The following ADAMTS17 variants were observed in gnomAD, a reference collection of about 807,000 sequenced individuals.
ADAMTS17 encodes the protein ADAM metallopeptidase with thrombospondin type 1 motif 17, also known as A disintegrin and metalloproteinase with thrombospondin motifs 17.
ADAMTS17 carries 113 observed loss-of-function variants against 141.5 expected under a neutral mutation model. That is an observed-to-expected ratio of 0.80 (90% CI 0.69 to 0.93). The LOEUF (loss-of-function observed/expected upper bound fraction) is 0.93. Among genes scored for constraint, ADAMTS17 ranks in the 40% least tolerant of loss-of-function variants. The pLI, the probability that ADAMTS17 is intolerant of heterozygous loss-of-function variation, is 0.00. For missense variants in ADAMTS17, 1,659 were observed against 1,517.9 expected (o/e 1.09, Z -1.54); for synonymous variants, 768 against 630.6 (o/e 1.22, Z -3.27).
intron 7 of ADAMTS17, among the ~76,000 whole-genome samples, chr15:100,209,722 G>A (rs1293869158): frequency 6.6e-6 from 1 of 152,166 alleles, no homozygotes; most frequent in East Asian, 1.9e-4. Flanking sequence ...GGCAGACAAG[G>A]AAGATGGCCA....
intron 15 of ADAMTS17, among the ~76,000 whole-genome samples, chr15:100,089,515 A>G (rs1401971407): frequency 2.0e-5 from 3 of 151,390 alleles, no homozygotes; most frequent in East Asian, 1.9e-4. Flanking sequence ...TCATGCTGCT[A>G]TAAAGACACA....
chr15:100,107,622 G>A (rs955543784), intron 14 of ADAMTS17, among the ~76,000 whole-genome samples: 1 of 152,104 alleles, frequency 6.6e-6, no homozygotes, highest in South Asian at 2.1e-4. Context: ...TGGGTCATGA[G>A]GGCAGAACTC....
Position 100,201,243 on chromosome 15 carries a change from T to C in ADAMTS17, c.1076-1820A>G, listed in dbSNP as rs1464285811. ...GACCGGGTGGGAAGTGATTGGATCA[T>C]GGGAACAGTTTCCCCCACGCCGTTC... On this transcript the variant is annotated intron_variant, in intron 7 of 21. Coordinates refer to ENST00000268070, the MANE Select transcript of ADAMTS17 (RefSeq NM_139057.4). 3.3e-5 allele frequency among the ~76,000 whole-genome samples: 5 copies of C among 152,168 alleles called. No homozygotes were observed. In the East Asian group the frequency reaches 7.7e-4, roughly 23 times the overall value.
At chr15:100,024,709 A>G (rs183197825) in intron 18 of ADAMTS17, among the ~76,000 whole-genome samples, 72 of 152,220 alleles carry the variant, frequency 4.7e-4, no homozygotes, top group Middle Eastern at 3.4e-3. Flanking sequence ...AAGTCCTCCT[A>G]TGTATCCCTT....
intron 9 of ADAMTS17, among the ~76,000 whole-genome samples, chr15:100,154,544 G>C (rs1232128836): frequency 6.6e-6 from 1 of 152,116 alleles, no homozygotes; most frequent in African/African-American, 2.4e-5. Context: ...AGTGACCAGG[G>C]CCTGCACAGT....
chr15:100,232,450 G>A (rs1232982211), intron 7 of ADAMTS17, among the ~76,000 whole-genome samples: 3 of 152,254 alleles, frequency 2.0e-5, no homozygotes, highest in Non-Finnish European at 4.4e-5. Flanking sequence ...TGAACACTTG[G>A]TGTTCCCAGA....
At chr15:100,329,541 A>G (rs1471424227) in intron 3 of ADAMTS17, among the ~76,000 whole-genome samples, 2 of 149,174 alleles carry the variant, frequency 1.3e-5, no homozygotes, top group Non-Finnish European at 3.0e-5. Context: ...AAAAAAAAAA[A>G]GCCATACTGA....
At chr15:100,050,298 G>C (rs542297926) in intron 17 of ADAMTS17, among the ~76,000 whole-genome samples, 1 of 152,212 alleles carries the variant, frequency 6.6e-6, no homozygotes, top group Admixed American at 6.5e-5. Context: ...TTCCATGTGG[G>C]CTATGCTTAG....
intron 4 of ADAMTS17, among the ~76,000 whole-genome samples, chr15:100,272,286 C>T (rs1417320273): frequency 6.6e-6 from 1 of 152,112 alleles, no homozygotes; most frequent in Non-Finnish European, 1.5e-5. Flanking sequence ...CTGTAAACTG[C>T]TTTGGATAAC....
intron 3 of ADAMTS17, among the ~76,000 whole-genome samples, chr15:100,304,407 A>C (rs930303083): frequency 6.6e-6 from 1 of 152,246 alleles, no homozygotes; most frequent in African/African-American, 2.4e-5. Context: ...TTGCCAGAAT[A>C]AATCTGTGAG....
chr15:100,123,964 C>A (rs536886138), intron 12 of ADAMTS17, among the ~76,000 whole-genome samples: 1 of 148,020 alleles, frequency 6.8e-6, no homozygotes, highest in South Asian at 2.1e-4. Context: ...TTTTTCTGTT[C>A]TAGGACTTTT....
At chr15:100,135,725 A>C (rs985621435) in intron 10 of ADAMTS17, among the ~76,000 whole-genome samples, 1 of 152,140 alleles carries the variant, frequency 6.6e-6, no homozygotes, top group African/African-American at 2.4e-5. Context: ...ACTCCTATAG[A>C]TCAATTAAGA....
intron 8 of ADAMTS17, among the ~76,000 whole-genome samples, chr15:100,167,459 C>T (rs1219074162): frequency 1.3e-5 from 2 of 152,078 alleles, no homozygotes; most frequent in African/African-American, 4.8e-5. Flanking sequence ...CCGTGAAAAC[C>T]CTCCCAATTC....
chr15:99,979,487 G>T (rs144458079), intron 20 of ADAMTS17: 1 of 152,214 alleles, frequency 6.6e-6, no homozygotes, highest in African/African-American at 2.4e-5. Context: ...AAAAGCCAAC[G>T]TTCCCAATGC....
Position 99,976,119 on chromosome 15 carries a change from G to A in ADAMTS17, c.3053C>T (p.Ala1018Val). Residue 1018 changes from alanine to valine, a missense_variant, in exon 21 of 22, where the codon GCC (alanine) becomes GTC (valine). By Grantham distance (64) the Ala-to-Val change is moderately conservative (BLOSUM62 0). Transcript: ENST00000268070. Reference sequence around the variant, plus strand: ...CTCCTGGTAGCACTGTCTGTAGGGGGCAGGCTTCGAGAGGGCGGGGCACTC... The same window carrying A: ...CTCCTGGTAGCACTGTCTGTAGGGGACAGGCTTCGAGAGGGCGGGGCACTC... ...GSECPALSKP[A>V]PYRQCYQEVC... 3.2e-6 allele frequency: 5 copies of A among 1,551,404 alleles called. No individual in the cohort carries two copies. The highest frequency in any genetic ancestry group is 1.4e-5 in the African/African-American group (1 of 73,182).
intron 2 of ADAMTS17, among the ~76,000 whole-genome samples, chr15:100,335,525 T>G (rs900902593): frequency 2.0e-5 from 3 of 152,154 alleles, no homozygotes; most frequent in African/African-American, 7.2e-5. Context: ...GGGCCTGCAT[T>G]GTCTTTCTCT....
At chr15:100,218,479 A>G (rs2042035280) in intron 7 of ADAMTS17, among the ~76,000 whole-genome samples, 1 of 152,228 alleles carries the variant, frequency 6.6e-6, no homozygotes, top group Non-Finnish European at 1.5e-5. Flanking sequence ...GCATGGGAAA[A>G]TATGTTCAAC....
intron 4 of ADAMTS17, among the ~76,000 whole-genome samples, chr15:100,272,761 T>C (rs1420904129): frequency 6.6e-6 from 1 of 151,082 alleles, no homozygotes; most frequent in Non-Finnish European, 1.5e-5. Context: ...CAGGCACTCT[T>C]GCCTTGTTCC....
intron 16 of ADAMTS17, among the ~76,000 whole-genome samples, chr15:100,053,291 T>C (rs2032287481): frequency 6.6e-6 from 1 of 152,142 alleles, no homozygotes; most frequent in South Asian, 2.1e-4. Context: ...GTGGCTTGCA[T>C]GGAGGCCTCC....
Sources: gnomAD v4.1 joint callset for allele counts (sites outside exome capture counted in the v4.1 genomes callset) on GRCh38, gnomAD v4.1.1 for gene constraint, MANE v1.5 for transcripts, NCBI Gene and HGNC (gene_info 2026-07-23, HGNC 2026-07-21) for gene names.